Variants in RABGAP1L observed in about 807,000 individuals in gnomAD.
The protein encoded by RABGAP1L is rab GTPase-activating protein 1-like.
A neutral mutation model predicts 137.7 loss-of-function variants in RABGAP1L; 63 were observed. That is an observed-to-expected ratio of 0.46 (90% confidence interval 0.37 to 0.56). RABGAP1L has a LOEUF of 0.56. Ranked by LOEUF, RABGAP1L falls within the 20% of genes least tolerant of loss-of-function variation. RABGAP1L has a pLI of 0.00. For missense variants in RABGAP1L, 1,095 were observed against 1,244.0 expected (o/e 0.88, Z 1.80); for synonymous variants, 431 against 433.7 (o/e 0.99, Z 0.08).
chr1:174,244,579 A>G (rs2148570521), intron 5 of RABGAP1L: 1 of 152,318 alleles, frequency 6.6e-6, no homozygotes, highest in East Asian at 1.9e-4. Flanking sequence ...GATTTCAATA[A>G]TCTATGGCAA....
intron 13 of RABGAP1L, chr1:174,548,045 A>G: frequency 6.4e-7 from 1 of 1,550,544 alleles, no homozygotes; most frequent in Non-Finnish European, 8.7e-7. Context: ...AAGAGGCTTA[A>G]TGCCTGTTAA....
At chr1:174,628,666 T>C (rs1011663243) in intron 13 of RABGAP1L, among the ~76,000 whole-genome samples, 2 of 152,204 alleles carry the variant, frequency 1.3e-5, no homozygotes, top group Non-Finnish European at 2.9e-5. Flanking sequence ...TCAATGAGTT[T>C]ATCTGGCTTC....
At chr1:174,908,643 A>G (rs1659525670) in intron 19 of RABGAP1L, among the ~76,000 whole-genome samples, 1 of 149,244 alleles carries the variant, frequency 6.7e-6, no homozygotes, top group Admixed American at 6.7e-5. Context: ...CCTGGGTTCA[A>G]GCAATTCTCC....
intron 13 of RABGAP1L, among the ~76,000 whole-genome samples, chr1:174,625,891 T>A (rs1672907796): frequency 6.6e-6 from 1 of 152,210 alleles, no homozygotes; most frequent in Non-Finnish European, 1.5e-5. Context: ...ATATTATTTT[T>A]ATACAGTGGA....
intron 19 of RABGAP1L, among the ~76,000 whole-genome samples, chr1:174,851,477 C>CA (rs1648332853): frequency 2.0e-5 from 1 of 51,266 alleles, no homozygotes; most frequent in Non-Finnish European, 6.3e-5. Context: ...AATTTTTTAG[C>CA]ATTTCTGTTT....
At chr1:174,289,876 G>T (rs1333248090) in intron 10 of RABGAP1L, among the ~76,000 whole-genome samples, 1 of 152,138 alleles carries the variant, frequency 6.6e-6, no homozygotes, top group Non-Finnish European at 1.5e-5. Flanking sequence ...AAGTTAGGCG[G>T]GGTTGCTGGC....
chr1:174,449,213 A>G (rs1655150328), intron 13 of RABGAP1L: 2 of 1,537,202 alleles, frequency 1.3e-6, no homozygotes, highest in Non-Finnish European at 1.7e-6. Context: ...GCTACATAGT[A>G]AATCAAATGT....
intron 17 of RABGAP1L, among the ~76,000 whole-genome samples, chr1:174,738,893 A>G (rs185080484): frequency 6.6e-6 from 1 of 152,346 alleles, no homozygotes; most frequent in East Asian, 1.9e-4. Flanking sequence ...TACTGTTGCT[A>G]CAATTTTCTT....
At chr1:174,472,309 A>G (rs1262880184) in intron 13 of RABGAP1L, among the ~76,000 whole-genome samples, 1 of 152,190 alleles carries the variant, frequency 6.6e-6, no homozygotes, top group African/African-American at 2.4e-5. Flanking sequence ...AAGTGGTATA[A>G]GAGAAGGGTC....
At chr1:174,250,351 A>G in intron 5 of RABGAP1L, 124 bp from the exon 6 acceptor site, 1 of 621,936 alleles carries the variant, frequency 1.6e-6, no homozygotes, top group Non-Finnish European at 2.6e-6. Flanking sequence ...GACTATATAT[A>G]AAAATATATA....
chr1:174,289,941 C>G (rs917417698), intron 10 of RABGAP1L, among the ~76,000 whole-genome samples: 2 of 152,140 alleles, frequency 1.3e-5, no homozygotes, highest in African/African-American at 4.8e-5. Context: ...ATTGGACTCC[C>G]TGATTGGTTG....
chr1:174,703,815 T>C (rs1187159120), intron 17 of RABGAP1L, among the ~76,000 whole-genome samples: 1 of 152,248 alleles, frequency 6.6e-6, no homozygotes, highest in Non-Finnish European at 1.5e-5. Context: ...GATTTTAATT[T>C]GCATTTCTTT....
intron 13 of RABGAP1L, among the ~76,000 whole-genome samples, chr1:174,531,461 GA>G (rs1173443781): frequency 2.0e-5 from 3 of 152,026 alleles, no homozygotes; most frequent in Admixed American, 1.3e-4. Context: ...ATATAGGGCA[GA>G]AAAAAAGAAA....
At chr1:174,369,447 G>T (rs1684917512) in intron 11 of RABGAP1L, among the ~76,000 whole-genome samples, 2 of 152,196 alleles carry the variant, frequency 1.3e-5, no homozygotes, top group Non-Finnish European at 2.9e-5. Flanking sequence ...GCCTCCCAAA[G>T]TGCTGGGATT....
chr1:174,627,899 G>A (rs937087356), intron 13 of RABGAP1L, among the ~76,000 whole-genome samples: 13 of 152,094 alleles, frequency 8.5e-5, no homozygotes, highest in Admixed American at 8.5e-4. Context: ...ATTCTTGGTG[G>A]TGATGGTCCA....
chr1:174,161,672 G>A (rs2148178957), intron 1 of RABGAP1L, among the ~76,000 whole-genome samples: 1 of 152,310 alleles, frequency 6.6e-6, no homozygotes, highest in East Asian at 1.9e-4. Context: ...GTACTATTGG[G>A]GCATATGGTG....
At chr1:174,351,388 G>T (rs1341416670) in intron 11 of RABGAP1L, among the ~76,000 whole-genome samples, 1 of 151,962 alleles carries the variant, frequency 6.6e-6, no homozygotes, top group Non-Finnish European at 1.5e-5. Context: ...TGTTTTTGTT[G>T]ATCTGTGCAA....
intron 13 of RABGAP1L, among the ~76,000 whole-genome samples, chr1:174,535,382 G>C (rs1193478328): frequency 6.6e-6 from 1 of 152,134 alleles, no homozygotes; most frequent in Admixed American, 6.5e-5. Context: ...AGCACTGATT[G>C]CTGGTGGCTT....
chr1:174,567,588 T>C (rs1406637927), intron 13 of RABGAP1L, among the ~76,000 whole-genome samples: 1 of 152,206 alleles, frequency 6.6e-6, no homozygotes, highest in Non-Finnish European at 1.5e-5. Flanking sequence ...AATTATGGTC[T>C]AAGTTATAGG....
Sources: allele counts gnomAD v4.1 joint callset (sites outside exome capture counted in the v4.1 genomes callset), GRCh38; gene constraint gnomAD v4.1.1; transcripts MANE v1.5; gene names NCBI Gene and HGNC (gene_info 2026-07-23, HGNC 2026-07-21).